Variants in FNBP4 observed in about 807,000 individuals in gnomAD.
The protein encoded by FNBP4 is formin-binding protein 4.
Under a neutral mutation model 119.3 loss-of-function variants are expected in FNBP4, and 34 were observed. That is an observed-to-expected ratio of 0.28 (90% CI 0.22 to 0.38). The LOEUF is 0.38. Ranked by LOEUF, FNBP4 falls within the 10% of genes least tolerant of loss-of-function variation. The probability of loss-of-function intolerance (pLI) is 1.00; values close to 1 mark genes in which losing one functional copy is unlikely to be tolerated. For missense variants in FNBP4, 1,112 were observed against 1,228.9 expected (o/e 0.90, Z 1.42); for synonymous variants, 462 against 430.6 (o/e 1.07, Z -0.90).
rs777673081 is a variant in FNBP4 at position 47,746,249 on chromosome 11, G to T, written c.1052C>A (p.Pro351Gln). Residue 351 changes from proline to glutamine, a missense_variant, in exon 7 of 17, where the codon CCA becomes CAA. Transcript: ENST00000263773. ...WRRKVICKEE[P>Q]VSEVKETSTT... ...ACTTGTTTCTTTTACTTCTGAAACT[G>T]GCTCCTCTTTACAAATTACTTTTCT... The T allele has an allele frequency of 6.2e-7, 1 of 1,614,082 alleles. No homozygotes were observed. Among genetic ancestry groups the T allele is most frequent in the Non-Finnish European group, 8.5e-7 (1 of 1,180,022 alleles).
intron 1 of FNBP4, 22 bp from the exon 2 acceptor site, chr11:47,765,384 GAAAA>G (rs774502764): frequency 8.4e-7 from 1 of 1,185,628 alleles, no homozygotes; most frequent in Admixed American, 2.2e-5. Flanking sequence ...AAAAAGAAAA[GAAAA>G]GAAAAGAAAA....
At position 47,753,042 on chromosome 11, in the gene FNBP4, G is replaced by A; in HGVS notation, c.511C>T (p.Pro171Ser). The A allele has an allele frequency of 6.2e-7, 1 of 1,614,148 alleles. No individual in the cohort carries two copies. Among genetic ancestry groups the A allele is most frequent in the Non-Finnish European group, 8.5e-7 (1 of 1,180,012 alleles). ...TTTGGCTCTGGTCGAGGTGGAGTTG[G>A]AGGTGGAGCAGAAGCTCCTACAGGA... Reference protein sequence around the residue: ...AAPVGASAPPPTPPRPEPKEA... With the variant: ...AAPVGASAPPSTPPRPEPKEA... Residue 171 changes from proline (P) to serine (S), a missense_variant, in exon 4 of 17, where the codon CCA (proline) becomes TCA (serine). This residue lies in a region of FNBP4 where 286 missense variants were observed against 240.1 expected (regional missense o/e 1.19). Coordinates refer to ENST00000263773, the MANE Select transcript of FNBP4 (RefSeq NM_015308.5).
chr11:47,765,932 T>C (rs1223193085), intron 1 of FNBP4, among the ~76,000 whole-genome samples: 1 of 126,802 alleles, frequency 7.9e-6, no homozygotes, highest in East Asian at 2.8e-4. Flanking sequence ...GTAATCCGCC[T>C]ACCTCGGCCT....
In FNBP4 at chr11:47,753,081, G is replaced by A; in HGVS notation, c.472C>T (p.Pro158Ser). The A allele has an allele frequency of 1.2e-6, 2 of 1,612,780 alleles. No homozygotes were observed. Among genetic ancestry groups the A allele is most frequent in the Non-Finnish European group, 1.7e-6 (2 of 1,179,642 alleles). Residue 158 changes from proline (P) to serine (S), a missense_variant, in exon 4 of 17, where the codon CCT becomes TCT. Around this residue, in one of 2 missense-constraint regions of FNBP4, gnomAD observed 286 missense variants for 240.1 expected, o/e 1.19. Transcript: ENST00000263773. ...FLAEIDAITA[P>S]QPAAPVGASA... is the part of the protein sequence containing the mutation. ...GCTCCTACAGGAGCTGCAGGCTGAGGAGCTGTTATGGCATCGATCTCCTTC... is the reference window on the plus strand; with the variant it reads ...GCTCCTACAGGAGCTGCAGGCTGAGAAGCTGTTATGGCATCGATCTCCTTC...
At chr11:47,757,175 G>A (rs550934648) in intron 2 of FNBP4, among the ~76,000 whole-genome samples, 10 of 152,234 alleles carry the variant, frequency 6.6e-5, no homozygotes, top group African/African-American at 9.6e-5. Flanking sequence ...GCATAAAAGC[G>A]TTCCTATTTC....
chr11:47,740,614 G>GA (rs1565141616), intron 8 of FNBP4, among the ~76,000 whole-genome samples: 4 of 148,496 alleles, frequency 2.7e-5, no homozygotes, highest in Non-Finnish European at 5.9e-5. Flanking sequence ...TTTTTTCCCC[G>GA]AGACAGTCTC....
intron 2 of FNBP4, among the ~76,000 whole-genome samples, chr11:47,763,602 G>A (rs1279966078): frequency 2.0e-5 from 3 of 151,862 alleles, no homozygotes; most frequent in South Asian, 2.1e-4. Context: ...CCGGGTTCAC[G>A]CCATTCTCCT....
intron 6 of FNBP4, among the ~76,000 whole-genome samples, chr11:47,750,322 C>A (rs985687354): frequency 1.5e-5 from 2 of 132,144 alleles, no homozygotes; most frequent in African/African-American, 5.7e-5. Flanking sequence ...GCAGAGGTTG[C>A]AGTGAGCTGA....
chr11:47,764,217 G>A (rs989677460), intron 2 of FNBP4, among the ~76,000 whole-genome samples: 16 of 152,114 alleles, frequency 1.1e-4, no homozygotes, highest in African/African-American at 3.1e-4. Flanking sequence ...GAGTAGCTGC[G>A]ATTATAGGTG....
intron 16 of FNBP4, among the ~76,000 whole-genome samples, chr11:47,718,406 T>C: frequency 6.6e-6 from 1 of 151,538 alleles, no homozygotes; most frequent in East Asian, 2.0e-4. Context: ...TAAAGACAGG[T>C]TTTCACTATG....
rs147094173 is a variant in FNBP4, at chr11:47,734,017, A to AC, written c.1686+7_1686+8insG. 1 of 1,411,908 alleles carries AC rather than the reference A, an allele frequency of 7.1e-7. No homozygotes were observed. The highest frequency in any genetic ancestry group is 1.5e-5 in the African/African-American group (1 of 68,442). The allele number at this position is 1,411,908 out of a possible 1,614,324, so 87.5% of individuals were successfully genotyped here. ...GTTTATGCCAAAAAAAAAAAAAAAAAGACTTACCTCAGTCTGTAAGAGCAG... is the reference window on the plus strand; with the variant it reads ...GTTTATGCCAAAAAAAAAAAAAAAAACGACTTACCTCAGTCTGTAAGAGCAG... On this transcript the variant is annotated splice_region_variant and intron_variant, in intron 10 of 16. Transcript: ENST00000263773.
intron 14 of FNBP4, 44 bp from the exon 15 acceptor site, chr11:47,723,360 G>T: frequency 1.9e-6 from 3 of 1,545,630 alleles, no homozygotes; most frequent in Non-Finnish European, 2.6e-6. Flanking sequence ...AGGACATCAT[G>T]ACAAGAACAG....
In FNBP4 at chr11:47,765,374, A is replaced by AAAAAGAAAAGAAG. The variant is rs148666719; in HGVS notation, c.221-13_221-12insCTTCTTTTCTTTT. 230 of 1,033,598 alleles carry AAAAAGAAAAGAAG rather than the reference A, an allele frequency of 2.2e-4. 1 individual carries two copies. The African/African-American group carries it at 3.2e-3, about 14-fold the overall frequency. 64.0% of individuals were successfully genotyped at this position (1,033,598 alleles called of 1,614,324 possible). A position where few individuals can be genotyped will look rare whatever the true frequency, so the allele number is the denominator to read the frequency against. ...CGCTTCCTGTTCATCTGGATTAAAA[A>AAAAAGAAAAGAAG]AAAAGAAAAGAAAAGAAAAGAAAAG... On this transcript the variant is annotated splice_polypyrimidine_tract_variant and intron_variant, in intron 1 of 16. Transcript: ENST00000263773.
At chr11:47,733,889 G>A (rs961652644) in intron 10 of FNBP4, 136 bp downstream of exon 10, 11 of 506,252 alleles carry the variant, frequency 2.2e-5, no homozygotes, top group Non-Finnish European at 3.4e-5. Flanking sequence ...TTCCTGGATT[G>A]TCGGCTCAAA....
Position 47,732,465 on chromosome 11 carries a change from C to A in FNBP4, c.1820+72G>T. 1 of 1,599,588 alleles carries A rather than the reference C, an allele frequency of 6.3e-7. No homozygotes were observed. The highest frequency in any genetic ancestry group is 1.1e-5 in the South Asian group (1 of 89,390). On this transcript the variant is annotated intron_variant, in intron 11 of 16. Coordinates refer to ENST00000263773, the MANE Select transcript of FNBP4 (RefSeq NM_015308.5). This position sits in a 1 kb window ranked among gnomAD's most constrained non-coding sequence, Gnocchi z 4.2. Reference sequence around the variant, plus strand: ...GTCTCCAGACAGGCTGTCATGTCGTCAGATGGTGGTGATCACAAATCATGT... The same window carrying A: ...GTCTCCAGACAGGCTGTCATGTCGTAAGATGGTGGTGATCACAAATCATGT...
At position 47,767,053 on chromosome 11, in the gene FNBP4, C is replaced by T. The variant is rs764280632; in HGVS notation, c.220+16G>A. The T allele has an allele frequency of 6.4e-5, 97 of 1,521,780 alleles. No individual in the cohort carries two copies. In the African/African-American group the frequency reaches 7.9e-4, roughly 12 times the overall value. The allele number at this position is 1,521,780 out of a possible 1,614,324, so 94.3% of individuals were successfully genotyped here. On this transcript the variant is annotated intron_variant, in intron 1 of 16. Coordinates refer to ENST00000263773, the MANE Select transcript of FNBP4 (RefSeq NM_015308.5). ...AAGCCCTGAGCTCGAGTTCAGGTCC[C>T]CCCGCGCACCCTTGCCTTCTGAAGG...
intron 6 of FNBP4, among the ~76,000 whole-genome samples, chr11:47,747,865 T>C (rs1334691286): frequency 6.6e-6 from 1 of 151,934 alleles, no homozygotes; most frequent in African/African-American, 2.4e-5. Context: ...GAAGAATCGC[T>C]TGAACCTGGG....
chr11:47,734,874 G>A (rs750921998), intron 9 of FNBP4, among the ~76,000 whole-genome samples: 1 of 151,918 alleles, frequency 6.6e-6, no homozygotes, highest in Non-Finnish European at 1.5e-5. Flanking sequence ...TCGGGAGGCT[G>A]AGGCAGAAGA....
At chr11:47,764,049 C>A (rs1271967691) in intron 2 of FNBP4, among the ~76,000 whole-genome samples, 1 of 152,082 alleles carries the variant, frequency 6.6e-6, no homozygotes, top group South Asian at 2.1e-4. Context: ...GTTGACATCA[C>A]GAGAGGACAT....
Sources: allele counts gnomAD v4.1 joint callset (sites outside exome capture counted in the v4.1 genomes callset), GRCh38; gene constraint gnomAD v4.1.1; regional missense constraint gnomAD v4.1.1; non-coding constraint Gnocchi (gnomAD v3.1); transcripts MANE v1.5; gene names NCBI Gene and HGNC (gene_info 2026-07-23, HGNC 2026-07-21).